Variants in SLIT2 observed in about 807,000 individuals in gnomAD.
SLIT2 encodes slit guidance ligand 2, also known as slit homolog 2 protein.
In SLIT2, 41 loss-of-function variants were observed where a neutral mutation model predicts 185.7. The observed-to-expected ratio is 0.22, with a 90% CI of 0.17 to 0.29. The LOEUF is 0.29. SLIT2 is among the 10% of genes least tolerant of loss of function. The probability of loss-of-function intolerance (pLI) is 1.00; values close to 1 mark genes in which losing one functional copy is unlikely to be tolerated. For synonymous variants in SLIT2, 693 were observed against 680.2 expected (o/e 1.02, Z -0.29); for missense variants, 1,571 against 1,909.0 (o/e 0.82, Z 3.30).
intron 4 of SLIT2, among the ~76,000 whole-genome samples, chr4:20,413,689 A>T (rs1727432501): frequency 6.6e-6 from 1 of 152,078 alleles, no homozygotes; most frequent in Non-Finnish European, 1.5e-5. Context: ...ATTATGAAAT[A>T]TACTTCTTTT....
At chr4:20,558,154 A>G (rs992314621) in intron 26 of SLIT2, among the ~76,000 whole-genome samples, 1 of 152,098 alleles carries the variant, frequency 6.6e-6, no homozygotes, top group African/African-American at 2.4e-5. Context: ...TGATAACACA[A>G]TGGCAGAGTT....
At chr4:20,472,359 TATATAG>T (rs1715310430) in intron 5 of SLIT2, among the ~76,000 whole-genome samples, 1 of 21,480 alleles carries the variant, frequency 4.7e-5, no homozygotes, top group Admixed American at 6.9e-4. Context: ...TATAGATATC[TATATAG>T]ATATCTATAT....
intron 9 of SLIT2, among the ~76,000 whole-genome samples, chr4:20,504,906 A>G (rs1286764509): frequency 2.0e-5 from 3 of 151,450 alleles, no homozygotes; most frequent in Non-Finnish European, 4.4e-5. Flanking sequence ...GTATTTTATT[A>G]TTATTGTTAA....
chr4:20,441,052 G>A lies in SLIT2; in HGVS notation c.396-26700G>A, dbSNP rs368624715. On this transcript the variant is annotated intron_variant, in intron 4 of 36. Transcript: ENST00000504154. ...ACAACGGGATTAAATGAAAATGACC[G>A]AAGCCTCCAAAAAAAAAAAAAATTC... is the stretch of plus-strand genomic sequence containing the variant. Among the ~76,000 whole-genome samples the A allele has an allele frequency of 5.0e-4, 72 of 143,038 alleles. 1 individual carries two copies. The highest frequency in any genetic ancestry group is 1.5e-3 in the African/African-American group (60 of 39,408). 93.8% of individuals were successfully genotyped at this position (143,038 alleles called of 152,430 possible).
chr4:20,373,869 G>T (rs758731401), intron 4 of SLIT2, among the ~76,000 whole-genome samples: 4 of 152,026 alleles, frequency 2.6e-5, no homozygotes, highest in Non-Finnish European at 5.9e-5. Flanking sequence ...CAAGAAGCAG[G>T]AGTTAGCTTG....
At chr4:20,567,741 T>C in intron 28 of SLIT2, 126 bp downstream of exon 28, 1 of 714,762 alleles carries the variant, frequency 1.4e-6, no homozygotes. Flanking sequence ...AATGGCAATA[T>C]GTATTGGTCC....
At chr4:20,380,534 G>A (rs1724414714) in intron 4 of SLIT2, among the ~76,000 whole-genome samples, 1 of 152,110 alleles carries the variant, frequency 6.6e-6, no homozygotes, top group African/African-American at 2.4e-5. Flanking sequence ...TACTCCACAT[G>A]TAGGACATGG....
chr4:20,500,818 T>C (rs2148812666), intron 9 of SLIT2, among the ~76,000 whole-genome samples: 1 of 152,248 alleles, frequency 6.6e-6, no homozygotes, highest in South Asian at 2.1e-4. Flanking sequence ...AGAATTGCGT[T>C]CTCAAATTTT....
At chr4:20,506,396 G>A (rs1321067772) in intron 9 of SLIT2, among the ~76,000 whole-genome samples, 1 of 151,806 alleles carries the variant, frequency 6.6e-6, no homozygotes, top group Non-Finnish European at 1.5e-5. Flanking sequence ...TTTTTAATTA[G>A]GTTCTTTATG....
chr4:20,491,744 G>A lies in SLIT2; in HGVS notation c.776-17G>A. 2 of 1,604,352 alleles carry A rather than the reference G, an allele frequency of 1.2e-6. No individual in the cohort carries two copies. The highest frequency in any genetic ancestry group is 1.3e-5 in the African/African-American group (1 of 74,542). ...ATTCAGGAGGAAAAATATAATTCCT[G>A]TTTATTTCTTTTTTAGGTCACCAGT... On this transcript the variant is annotated splice_polypyrimidine_tract_variant and intron_variant, in intron 8 of 36. Coordinates refer to ENST00000504154, the MANE Select transcript of SLIT2 (RefSeq NM_004787.4).
intron 29 of SLIT2, among the ~76,000 whole-genome samples, chr4:20,571,110 C>A (rs1424197417): frequency 6.6e-6 from 1 of 152,026 alleles, no homozygotes; most frequent in Non-Finnish European, 1.5e-5. Flanking sequence ...ATCATAAATA[C>A]CTAAAGCTTA....
intron 26 of SLIT2, among the ~76,000 whole-genome samples, chr4:20,554,577 T>C (rs1460747450): frequency 6.6e-6 from 1 of 152,192 alleles, no homozygotes; most frequent in Non-Finnish European, 1.5e-5. Context: ...AGAAACAATT[T>C]ATTTTCTGCA....
Position 20,472,432 on chromosome 4 carries a change from C to A in SLIT2, c.467+4609C>A, listed in dbSNP as rs768735413. Among the ~76,000 whole-genome samples, 36 of 11,400 alleles carry A rather than the reference C, an allele frequency of 3.2e-3. 2 individuals carry two copies. Among genetic ancestry groups the A allele is most frequent in the Middle Eastern group, 0.1 (1 of 10 alleles). The allele number at this position is 11,400 out of a possible 152,430, so 7.5% of individuals were successfully genotyped here. ...TCTATATATCTATATATATAGATAT[C>A]TATAGATATATATCTATATAGATAT... On this transcript the variant is annotated intron_variant, in intron 5 of 36. Coordinates refer to ENST00000504154, the MANE Select transcript of SLIT2 (RefSeq NM_004787.4).
At chr4:20,351,902 G>A (rs997698530) in intron 4 of SLIT2, among the ~76,000 whole-genome samples, 6 of 152,162 alleles carry the variant, frequency 3.9e-5, no homozygotes, top group Non-Finnish European at 8.8e-5. Flanking sequence ...TCTGATGGGG[G>A]TGTTGATAGC....
At chr4:20,502,971 C>T (rs1484654236) in intron 9 of SLIT2, among the ~76,000 whole-genome samples, 1 of 152,018 alleles carries the variant, frequency 6.6e-6, no homozygotes, top group African/African-American at 2.4e-5. Context: ...CTCTAGTGCT[C>T]ATGCAGTTCA....
chr4:20,617,733 G>GAAAAA, intron 36 of SLIT2, 83 bp downstream of exon 36: 3 of 496,974 alleles, frequency 6.0e-6, no homozygotes, highest in South Asian at 2.3e-5. Flanking sequence ...GAGAAAAAGT[G>GAAAAA]AAAAAAAAAA....
intron 4 of SLIT2, among the ~76,000 whole-genome samples, chr4:20,308,393 GT>G (rs1336909681): frequency 6.6e-6 from 1 of 152,210 alleles, no homozygotes; most frequent in Non-Finnish European, 1.5e-5. Context: ...GAGGTTTATA[GT>G]ATATAGATTA....
At chr4:20,401,280 A>G (rs1286206579) in intron 4 of SLIT2, among the ~76,000 whole-genome samples, 4 of 151,880 alleles carry the variant, frequency 2.6e-5, no homozygotes, top group African/African-American at 2.4e-5. Context: ...TCTTGGGAAG[A>G]ACTATAATTA....
At chr4:20,417,647 G>C (rs971976394) in intron 4 of SLIT2, among the ~76,000 whole-genome samples, 3 of 151,398 alleles carry the variant, frequency 2.0e-5, no homozygotes, top group Admixed American at 2.0e-4. Context: ...TCAGCCTCCC[G>C]AGTAGCTGGG....
Sources: allele counts gnomAD v4.1 joint callset (sites outside exome capture counted in the v4.1 genomes callset), GRCh38; gene constraint gnomAD v4.1.1; transcripts MANE v1.5; gene names NCBI Gene and HGNC (gene_info 2026-07-23, HGNC 2026-07-21).